The following MBD3L3 variants were observed in gnomAD, a reference collection of about 807,000 sequenced individuals.
The protein encoded by MBD3L3 is methyl-CpG binding domain protein 3 like 3.
For missense variants in MBD3L3, 4 were observed against 111.7 expected (o/e 0.04, Z 4.35); for synonymous variants, 1 against 44.0 (o/e 0.02, Z 3.87).
chr19:7,056,341 T>TCTGC lies in MBD3L3; in HGVS notation c.604_607dup (p.Glu203GlyfsTer7), dbSNP rs1199986439. 2 of 707,152 alleles carry TCTGC rather than the reference T, an allele frequency of 2.8e-6. No homozygotes were observed. Among genetic ancestry groups the TCTGC allele is most frequent in the Non-Finnish European group, 5.2e-6 (2 of 382,576 alleles). The allele number at this position is 707,152 out of a possible 1,614,324, so 43.8% of individuals were successfully genotyped here. ...TGCGCTTCATCTACATGTCAGCATTTCTGCCTGCCTGGCCAGCCTGTCTGC... is the reference window on the plus strand; with the variant it reads ...TGCGCTTCATCTACATGTCAGCATTTCTGCCTGCCTGCCTGGCCAGCCTGTCTGC... On this transcript the variant is annotated frameshift_variant, in exon 2 of 2. Transcript: ENST00000333843. LOFTEE classifies it high-confidence loss of function.
In MBD3L3 at chr19:7,056,755, C is replaced by CTGAT; in HGVS notation, c.190_193dup (p.Arg65AsnfsTer6). ...TCTGACCTGGTTGTCAGGATGAGAC[C>CTGAT]TGATCCTTGTCACCGGCCTCCGGAA... is the stretch of plus-strand genomic sequence containing the variant. On this transcript the variant is annotated frameshift_variant, in exon 2 of 2. Coordinates refer to ENST00000333843, the MANE Select transcript of MBD3L3 (RefSeq NM_001164425.4). LOFTEE classifies it low-confidence loss of function (END_TRUNC). 1 of 693,410 alleles carries CTGAT rather than the reference C, an allele frequency of 1.4e-6. No homozygotes were observed. Among genetic ancestry groups the CTGAT allele is most frequent in the East Asian group, 2.7e-5 (1 of 36,534 alleles). 43.0% of individuals were successfully genotyped at this position (693,410 alleles called of 1,614,324 possible).
At chr19:7,058,503 CA>C in intron 1 of MBD3L3, 57 bp downstream of exon 1, 1 of 369,716 alleles carries the variant, frequency 2.7e-6, no homozygotes, top group Non-Finnish European at 5.0e-6. Flanking sequence ...AGCTGTCTTA[CA>C]GAAGGAAAAA....
chr19:7,056,795 GTC>G lies in MBD3L3; in HGVS notation c.152_153del (p.Arg51ThrfsTer18), dbSNP rs1230276376. ...GGCCTCCGGAAGATGCAGCTGGTGA[GTC>G]TCATGGGGAGAGCAGACCTCGCAGC... Reference protein sequence around the residue: ...RRAARSALPMRLTSCIFRRPV... With the variant: ...RRAARSALPMXLTSCIFRRPV... On this transcript the variant is annotated frameshift_variant, in exon 2 of 2. Transcript: ENST00000333843. LOFTEE classifies it low-confidence loss of function (END_TRUNC). The G allele has an allele frequency of 1.5e-5, 10 of 682,298 alleles. No individual in the cohort carries two copies. The Admixed American group carries it at 2.1e-4, about 14-fold the overall frequency. The allele number at this position is 682,298 out of a possible 1,614,324, so 42.3% of individuals were successfully genotyped here.
chr19:7,056,765 TCACCGG>T lies in MBD3L3; in HGVS notation c.178_183del (p.Pro60_Val61del). 2 of 689,618 alleles carry T rather than the reference TCACCGG, an allele frequency of 2.9e-6. No homozygotes were observed. Among genetic ancestry groups the T allele is most frequent in the Admixed American group, 4.2e-5 (2 of 47,958 alleles). The allele number at this position is 689,618 out of a possible 1,614,324, so 42.7% of individuals were successfully genotyped here. A position where few individuals can be genotyped will look rare whatever the true frequency, so the allele number is the denominator to read the frequency against. The stretch of plus-strand genomic sequence containing the variant: ...TTGTCAGGATGAGACCTGATCCTTG[TCACCGG>T]CCTCCGGAAGATGCAGCTGGTGAGT... On this transcript the variant is annotated inframe_deletion, in exon 2 of 2. Coordinates refer to ENST00000333843, the MANE Select transcript of MBD3L3 (RefSeq NM_001164425.4).
chr19:7,058,344 AT>A (rs1345064913), intron 1 of MBD3L3, among the ~76,000 whole-genome samples: 1 of 27,352 alleles, frequency 3.7e-5, no homozygotes, highest in African/African-American at 1.3e-4. Flanking sequence ...GTGATGTTGG[AT>A]TTTTAAAAAA....
chr19:7,058,644 G>GCA lies in MBD3L3; in HGVS notation c.-41_-40dup. The GCA allele has an allele frequency of 6.3e-6, 1 of 159,728 alleles. No homozygotes were observed. Among genetic ancestry groups the GCA allele is most frequent in the Non-Finnish European group, 1.1e-5 (1 of 89,268 alleles). The allele number at this position is 159,728 out of a possible 1,614,324, so 9.9% of individuals were successfully genotyped here. The stretch of plus-strand genomic sequence containing the variant: ...CTCTTGCTGACCCCACTCTTGAGAT[G>GCA]CAGACAACCCTTGGCTTGCCGGAAA... On this transcript the variant is annotated 5_prime_UTR_variant, in exon 1 of 2. Coordinates refer to ENST00000333843, the MANE Select transcript of MBD3L3 (RefSeq NM_001164425.4).
In MBD3L3 at chr19:7,056,599, A is replaced by C. The variant is rs535075032; in HGVS notation, c.350T>G (p.Ile117Ser). The C allele has an allele frequency of 6.4e-6, 5 of 777,766 alleles. No homozygotes were observed. The African/African-American group carries it at 8.5e-5, about 13-fold the overall frequency. 48.2% of individuals were successfully genotyped at this position (777,766 alleles called of 1,614,324 possible). ...SPLHLESVLS[I>S]LAPGTAGESL... ...TTCACCGGCCGTCCCCGGTGCAAGG[A>C]TACTTAAGACGCTCTCCAAATGCAG... Residue 117 changes from isoleucine (I) to serine (S), a missense_variant, in exon 2 of 2, where the codon ATC becomes AGC. By Grantham distance (142) the Ile-to-Ser change is moderately radical. Coordinates refer to ENST00000333843, the MANE Select transcript of MBD3L3 (RefSeq NM_001164425.4).
chr19:7,056,764 G>GA lies in MBD3L3; in HGVS notation c.184_185insT (p.Thr62IlefsTer8). 3 of 690,440 alleles carry GA rather than the reference G, an allele frequency of 4.3e-6. No individual in the cohort carries two copies. In the Admixed American group the frequency reaches 6.3e-5, roughly 14 times the overall value. 42.8% of individuals were successfully genotyped at this position (690,440 alleles called of 1,614,324 possible). ...GTTGTCAGGATGAGACCTGATCCTT[G>GA]TCACCGGCCTCCGGAAGATGCAGCT... On this transcript the variant is annotated frameshift_variant, in exon 2 of 2. Coordinates refer to ENST00000333843, the MANE Select transcript of MBD3L3 (RefSeq NM_001164425.4). LOFTEE classifies it low-confidence loss of function (END_TRUNC).
rs111605618 is a variant in MBD3L3, at chr19:7,056,560, G to T, written c.389C>A (p.Ala130Asp). Residue 130 changes from alanine (A) to aspartate (D), a missense_variant, in exon 2 of 2, where the codon GCT (alanine) becomes GAT (aspartate). Physicochemically the swap from Ala to Asp is moderately radical, Grantham distance 126 (BLOSUM62 -2). Transcript: ENST00000333843. ...CGGGCTGCGCACACGCTCAGCACCA[G>T]CCCTGTCCAGAGATTCACCGGCCGT... ...PGTAGESLDR[A>D]GAERVRSPLE... is the part of the protein sequence containing the mutation. The T allele has an allele frequency of 0.24, 175,103 of 717,392 alleles. 22,801 individuals carry two copies. The highest frequency in any genetic ancestry group is 0.29 in the Non-Finnish European group (111,627 of 382,018). 44.4% of individuals were successfully genotyped at this position (717,392 alleles called of 1,614,324 possible).
Position 7,056,651 on chromosome 19 carries a change from T to G in MBD3L3, c.298A>C (p.Ser100Arg), listed in dbSNP as rs1266200045. The change falls in exon 2 of 2, where the codon AGC (serine) becomes CGC (arginine). Residue 100 changes from serine (S) to arginine (R), a missense_variant. Transcript: ENST00000333843. The part of the protein sequence containing the change: ...YRRLQALQPC[S>R]SQGEGSSPLH... ...GGACTTGAACCTTCTCCTTGGCTGC[T>G]GCAGGGCTGCAGGGCCTGCAGTCTC... 1.3e-6 allele frequency: 1 copy of G among 768,834 alleles called. No individual in the cohort carries two copies. Among genetic ancestry groups the G allele is most frequent in the Non-Finnish European group, 2.4e-6 (1 of 414,410 alleles). 47.6% of individuals were successfully genotyped at this position (768,834 alleles called of 1,614,324 possible). A position where few individuals can be genotyped will look rare whatever the true frequency, so the allele number is the denominator to read the frequency against.
rs533370821 is a variant in MBD3L3 at position 7,056,254 on chromosome 19, T to C, written c.*68A>G. ...AAAGAACTGGTGGGGAAGGGAAAAG[T>C]GTGACAATTCAGAGTAGGAATGAGG... On this transcript the variant is annotated 3_prime_UTR_variant, in exon 2 of 2. Transcript: ENST00000333843. 5.9e-6 allele frequency: 4 copies of C among 680,986 alleles called. No individual in the cohort carries two copies. The African/African-American group carries it at 7.3e-5, about 12-fold the overall frequency. The allele number at this position is 680,986 out of a possible 1,614,324, so 42.2% of individuals were successfully genotyped here. A position where few individuals can be genotyped will look rare whatever the true frequency, so the allele number is the denominator to read the frequency against.
rs199907298 is a variant in MBD3L3, at chr19:7,056,221, C to A, written c.*101G>T. ...CCTTACACCTGTTGCCTTTCAAATA[C>A]TTTTATTAAAGAACTGGTGGGGAAG... On this transcript the variant is annotated 3_prime_UTR_variant, in exon 2 of 2. Coordinates refer to ENST00000333843, the MANE Select transcript of MBD3L3 (RefSeq NM_001164425.4). 3,600 of 679,602 alleles carry A rather than the reference C, an allele frequency of 5.3e-3. 4 individuals carry two copies. The highest frequency in any genetic ancestry group is 6.4e-3 in the Non-Finnish European group (2,409 of 376,426). The allele number at this position is 679,602 out of a possible 1,614,324, so 42.1% of individuals were successfully genotyped here.
In MBD3L3 at chr19:7,056,557, C is replaced by A. The variant is rs780171734; in HGVS notation, c.392G>T (p.Gly131Val). The change falls in exon 2 of 2, where the codon GGT (glycine) becomes GTT (valine). Residue 131 changes from glycine to valine, a missense_variant. Physicochemically the swap from Gly to Val is moderately radical, Grantham distance 109 (BLOSUM62 -3). Transcript: ENST00000333843. ...AAGCGGGCTGCGCACACGCTCAGCA[C>A]CAGCCCTGTCCAGAGATTCACCGGC... is the stretch of plus-strand genomic sequence containing the variant. Reference protein sequence around the residue: ...GTAGESLDRAGAERVRSPLEP... With the variant: ...GTAGESLDRAVAERVRSPLEP... The A allele has an allele frequency of 2.6e-6, 2 of 778,502 alleles. No homozygotes were observed. The highest frequency in any genetic ancestry group is 3.4e-5 in the African/African-American group (2 of 58,978). 48.2% of individuals were successfully genotyped at this position (778,502 alleles called of 1,614,324 possible). A position where few individuals can be genotyped will look rare whatever the true frequency, so the allele number is the denominator to read the frequency against.
intron 1 of MBD3L3, among the ~76,000 whole-genome samples, 154 bp downstream of exon 1, chr19:7,058,406 CT>C (rs1338535973): frequency 2.9e-5 from 1 of 34,718 alleles, no homozygotes; most frequent in Non-Finnish European, 5.9e-5. Flanking sequence ...AATGAGAATA[CT>C]TTGAACATTA....
At position 7,056,239 on chromosome 19, in the gene MBD3L3, TG is replaced by T. The variant is rs1977195642; in HGVS notation, c.*82del. 1.5e-6 allele frequency: 1 copy of T among 679,858 alleles called. No homozygotes were observed. Among genetic ancestry groups the T allele is most frequent in the African/African-American group, 1.8e-5 (1 of 54,354 alleles). 42.1% of individuals were successfully genotyped at this position (679,858 alleles called of 1,614,324 possible). A position where few individuals can be genotyped will look rare whatever the true frequency, so the allele number is the denominator to read the frequency against. On this transcript the variant is annotated 3_prime_UTR_variant, in exon 2 of 2. Transcript: ENST00000333843. ...TCAAATACTTTTATTAAAGAACTGG[TG>T]GGGAAGGGAAAAGTGTGACAATTCA...
intron 1 of MBD3L3, among the ~76,000 whole-genome samples, 153 bp from the exon 2 acceptor site, chr19:7,057,056 C>A (rs1345402032): frequency 1.6e-3 from 2 of 1,238 alleles, no homozygotes; most frequent in African/African-American, 3.6e-3. Context: ...ACATCCTCAG[C>A]CCCTGCAGGG....
chr19:7,058,349 TA>T (rs1264016766), intron 1 of MBD3L3, among the ~76,000 whole-genome samples: 18 of 27,776 alleles, frequency 6.5e-4, no homozygotes, highest in African/African-American at 1.9e-3. Flanking sequence ...GTTGGATTTT[TA>T]AAAAAAAATT....
rs1977200573 is a variant in MBD3L3, at chr19:7,056,386, CT to C, written c.562del (p.Arg188AspfsTer18). On this transcript the variant is annotated frameshift_variant, in exon 2 of 2. Transcript: ENST00000333843. LOFTEE classifies it low-confidence loss of function (END_TRUNC). ...QARRVKKARERLAKALQADRL... is the reference protein window; with the variant it reads ...QARRVKKAREXLAKALQADRL... ...GTCTGCCTGCAAGGCCTTGGCCAGT[CT>C]CTCCCTGGCTTTCTTCACCCTCCTG... The C allele has an allele frequency of 1.4e-6, 1 of 710,730 alleles. No individual in the cohort carries two copies. The highest frequency in any genetic ancestry group is 2.7e-5 in the East Asian group (1 of 37,250). 44.0% of individuals were successfully genotyped at this position (710,730 alleles called of 1,614,324 possible). A position where few individuals can be genotyped will look rare whatever the true frequency, so the allele number is the denominator to read the frequency against.
rs1977200991 is a variant in MBD3L3 at position 7,056,407 on chromosome 19, C to T, written c.542G>A (p.Arg181Lys). Residue 181 changes from arginine to lysine, a missense_variant, in exon 2 of 2, where the codon AGG (arginine) becomes AAG (lysine). Physicochemically the swap from Arg to Lys is conservative, Grantham distance 26. Transcript: ENST00000333843. ...CAGTCTCTCCCTGGCTTTCTTCACC[C>T]TCCTGGCCTGTCTCCGGATATCTGC... ...TPADIRRQAR[R>K]VKKARERLAK... is the part of the protein sequence containing the mutation. 1.4e-6 allele frequency: 1 copy of T among 714,644 alleles called. No homozygotes were observed. Among genetic ancestry groups the T allele is most frequent in the Non-Finnish European group, 2.6e-6 (1 of 386,050 alleles). The allele number at this position is 714,644 out of a possible 1,614,324, so 44.3% of individuals were successfully genotyped here.
Sources: gnomAD v4.1 joint callset for allele counts (sites outside exome capture counted in the v4.1 genomes callset) on GRCh38, gnomAD v4.1.1 for gene constraint, MANE v1.5 for transcripts, NCBI Gene and HGNC (gene_info 2026-07-23, HGNC 2026-07-21) for gene names.